ASXL2: variants seen among roughly 807,000 people sequenced by gnomAD.
ASXL2 encodes ASXL transcriptional regulator 2, also known as putative Polycomb group protein ASXL2.
In ASXL2, 23 loss-of-function variants were observed where a neutral mutation model predicts 122.0. The observed-to-expected ratio is 0.19, with a 90% CI of 0.14 to 0.27. The LOEUF is 0.27. Among genes scored for constraint, ASXL2 ranks in the 10% least tolerant of loss-of-function variants. The pLI is 1.00. For synonymous variants in ASXL2, 650 were observed against 637.0 expected (o/e 1.02, Z -0.31); for missense variants, 1,518 against 1,713.8 (o/e 0.89, Z 2.02).
intron 1 of ASXL2, among the ~76,000 whole-genome samples, chr2:25,859,917 G>A (rs758670049): frequency 2.6e-5 from 4 of 152,128 alleles, no homozygotes; most frequent in Non-Finnish European, 4.4e-5. Context: ...CGGGCACAGC[G>A]GCTCACCTCT....
chr2:25,826,148 G>A (rs960124552), intron 3 of ASXL2, among the ~76,000 whole-genome samples: 5 of 152,104 alleles, frequency 3.3e-5, no homozygotes, highest in African/African-American at 1.2e-4. Flanking sequence ...CCTTTATGAT[G>A]GAAATCAGTA....
In ASXL2 at chr2:25,734,622, T is replaced by C. The variant is rs1315814886; in HGVS notation, c.*7407A>G. ...TGCACTGCTTTCTAATTGGGCTAATTTGAATCCTAAATATTTTGAGAATCC... is the reference window on the plus strand; with the variant it reads ...TGCACTGCTTTCTAATTGGGCTAATCTGAATCCTAAATATTTTGAGAATCC... On this transcript the variant is annotated 3_prime_UTR_variant, in exon 13 of 13. Transcript: ENST00000435504. The C allele has an allele frequency of 6.6e-6, 1 of 152,218 alleles. No individual in the cohort carries two copies. Among genetic ancestry groups the C allele is most frequent in the East Asian group, 1.9e-4 (1 of 5,202 alleles). The allele number at this position is 152,218 out of a possible 1,614,324, so 9.4% of individuals were successfully genotyped here.
intron 1 of ASXL2, chr2:25,856,363 C>CGTTTTTTT (rs754653765): frequency 5.0e-6 from 1 of 200,776 alleles, no homozygotes; most frequent in Non-Finnish European, 9.5e-6. Context: ...CTGGCCTATA[C>CGTTTTTTT]TTTTTTTTTT....
intron 1 of ASXL2, among the ~76,000 whole-genome samples, chr2:25,857,332 C>T (rs906776176): frequency 1.3e-5 from 2 of 152,130 alleles, no homozygotes; most frequent in African/African-American, 2.4e-5. Context: ...TATCTAGACA[C>T]AAGAGAGTCT....
chr2:25,754,547 T>TG (rs1442961082), intron 10 of ASXL2, among the ~76,000 whole-genome samples: 1 of 152,160 alleles, frequency 6.6e-6, no homozygotes. Flanking sequence ...CTCCTGCTAT[T>TG]GAGTCTACTG....
At chr2:25,772,729 CAAAAAAAAA>C (rs70950119) in intron 5 of ASXL2, among the ~76,000 whole-genome samples, 1 of 58,940 alleles carries the variant, frequency 1.7e-5, no homozygotes, top group Non-Finnish European at 3.0e-5. Flanking sequence ...AACTTGGTCT[CAAAAAAAAA>C]AAAAAAAAAA....
In ASXL2 at chr2:25,878,256, T is replaced by C. The variant is rs1559535752; in HGVS notation, c.-34A>G. The C allele has an allele frequency of 8.1e-6, 13 of 1,611,410 alleles. No homozygotes were observed. In the South Asian group the frequency reaches 1.4e-4, roughly 18 times the overall value. On this transcript the variant is annotated 5_prime_UTR_variant, in exon 1 of 13. Transcript: ENST00000435504. ...TTGAACTGACTGGGAGGCTCCCGTGTCCGGGCTCCGGCCGCCCTCCCTGCC... is the reference window on the plus strand; with the variant it reads ...TTGAACTGACTGGGAGGCTCCCGTGCCCGGGCTCCGGCCGCCCTCCCTGCC...
At chr2:25,813,780 G>A (rs905097088) in intron 3 of ASXL2, among the ~76,000 whole-genome samples, 4 of 152,274 alleles carry the variant, frequency 2.6e-5, no homozygotes, top group Non-Finnish European at 4.4e-5. Flanking sequence ...GCCGGGCGCA[G>A]TGGCTCACGC....
chr2:25,844,523 C>T (rs774565355), intron 2 of ASXL2, among the ~76,000 whole-genome samples: 6 of 151,638 alleles, frequency 4.0e-5, no homozygotes, highest in Non-Finnish European at 8.8e-5. Flanking sequence ...TTGCAGTGAG[C>T]CAAGATCGTG....
intron 4 of ASXL2, among the ~76,000 whole-genome samples, chr2:25,801,439 A>G (rs571916813): frequency 6.6e-6 from 1 of 152,292 alleles, no homozygotes; most frequent in East Asian, 1.9e-4. Flanking sequence ...TTTTTCATTT[A>G]AATTTATGTC....
chr2:25,850,833 G>A (rs1364157932), intron 1 of ASXL2, among the ~76,000 whole-genome samples: 4 of 152,000 alleles, frequency 2.6e-5, no homozygotes, highest in African/African-American at 7.2e-5. Flanking sequence ...TTGGTTACCC[G>A]AGGTACAATT....
At chr2:25,773,770 C>A (rs1280771140) in intron 5 of ASXL2, among the ~76,000 whole-genome samples, 3 of 151,876 alleles carry the variant, frequency 2.0e-5, no homozygotes, top group Non-Finnish European at 4.4e-5. Flanking sequence ...GGCACGGCGG[C>A]TCACACCTAT....
intron 3 of ASXL2, among the ~76,000 whole-genome samples, chr2:25,822,135 A>G (rs2089319273): frequency 6.6e-6 from 1 of 152,184 alleles, no homozygotes; most frequent in Admixed American, 6.5e-5. Flanking sequence ...CCCAAAAATG[A>G]TAATAAAAGG....
In ASXL2 at chr2:25,735,362, ATTC is replaced by A. The variant is rs754097093; in HGVS notation, c.*6664_*6666del. On this transcript the variant is annotated 3_prime_UTR_variant, in exon 13 of 13. Transcript: ENST00000435504. ...TACGTTACATAGTGGAATACACCAA[ATTC>A]TTCTTTAAAAAGCGCTAGAGTCCTG... is the stretch of plus-strand genomic sequence containing the variant. 8 of 152,226 alleles carry A rather than the reference ATTC, an allele frequency of 5.3e-5. No homozygotes were observed. The highest frequency in any genetic ancestry group is 3.8e-4 in the East Asian group (2 of 5,204). 9.4% of individuals were successfully genotyped at this position (152,226 alleles called of 1,614,324 possible).
chr2:25,824,705 T>C (rs2089355440), intron 3 of ASXL2, among the ~76,000 whole-genome samples: 1 of 152,248 alleles, frequency 6.6e-6, no homozygotes, highest in Non-Finnish European at 1.5e-5. Context: ...GCAGTAGCAC[T>C]TGTAGCAAAA....
In ASXL2 at chr2:25,855,835, C is replaced by CA. The variant is rs200980536; in HGVS notation, c.58-10273dup. ...TGGGCGACAGAGCGAGACTCCGTCT[C>CA]AAAAAAAAAAAAAAGAGAGAGAGAC... On this transcript the variant is annotated intron_variant, in intron 1 of 12. Transcript: ENST00000435504. Among the ~76,000 whole-genome samples the CA allele has an allele frequency of 3.9e-3, 417 of 105,672 alleles. 1 individual carries two copies. The highest frequency in any genetic ancestry group is 5.3e-3 in the Admixed American group (53 of 9,956). The allele number at this position is 105,672 out of a possible 152,430, so 69.3% of individuals were successfully genotyped here.
chr2:25,749,720 C>T lies in ASXL2; in HGVS notation c.1836G>A (p.Gln612=), dbSNP rs780140957. The change falls in exon 12 of 13, where the codon CAG becomes CAA. Residue 612 remains glutamine, a synonymous_variant. Coordinates refer to ENST00000435504, the MANE Select transcript of ASXL2 (RefSeq NM_018263.6). ...CCTTGAGAGGTGGTACTTTTCGCAC[C>T]TGGATTCTGTCCCCTCTATTGAGAA... ...QPFLNRGDRI[Q]VRKVPPLKIP... is the part of the protein sequence containing the mutation. The T allele has an allele frequency of 1.3e-6, 2 of 1,530,180 alleles. No homozygotes were observed. Among genetic ancestry groups the T allele is most frequent in the Admixed American group, 4.5e-5 (2 of 44,790 alleles). The allele number at this position is 1,530,180 out of a possible 1,614,324, so 94.8% of individuals were successfully genotyped here.
chr2:25,784,215 G>T (rs1363671550), intron 5 of ASXL2, among the ~76,000 whole-genome samples: 2 of 152,026 alleles, frequency 1.3e-5, no homozygotes, highest in African/African-American at 4.8e-5. Flanking sequence ...TCACGCCACT[G>T]CCTCCAGCCT....
chr2:25,870,983 A>T (rs575833880), intron 1 of ASXL2, among the ~76,000 whole-genome samples: 1 of 152,288 alleles, frequency 6.6e-6, no homozygotes, highest in East Asian at 1.9e-4. Flanking sequence ...TTGTTTTTTT[A>T]AAACATAATG....
Sources: gnomAD v4.1 joint callset for allele counts (sites outside exome capture counted in the v4.1 genomes callset) on GRCh38, gnomAD v4.1.1 for gene constraint, MANE v1.5 for transcripts, NCBI Gene and HGNC (gene_info 2026-07-23, HGNC 2026-07-21) for gene names.